DCDC1: variants seen among roughly 807,000 people sequenced by gnomAD.
The protein encoded by DCDC1 is doublecortin domain containing 1, also known as doublecortin domain-containing protein 1.
Under a neutral mutation model 178.3 loss-of-function variants are expected in DCDC1, and 200 were observed. The observed-to-expected ratio is 1.12, with a 90% CI of 1.00 to 1.26. The LOEUF is 1.26. DCDC1 is among the 50% of genes most tolerant of loss of function. DCDC1 has a pLI of 0.00. For missense variants in DCDC1, 1,983 were observed against 1,749.2 expected (o/e 1.13, Z -2.38); for synonymous variants, 690 against 604.8 (o/e 1.14, Z -2.07).
At chr11:31,154,344 C>T (rs917944365) in intron 9 of DCDC1, among the ~76,000 whole-genome samples, 2 of 152,198 alleles carry the variant, frequency 1.3e-5, no homozygotes, top group Non-Finnish European at 2.9e-5. Flanking sequence ...CACATACACT[C>T]AGACTCTGCT....
intron 20 of DCDC1, among the ~76,000 whole-genome samples, chr11:31,046,811 C>A (rs1441986607): frequency 6.6e-6 from 1 of 152,000 alleles, no homozygotes; most frequent in East Asian, 1.9e-4. Flanking sequence ...CATATAAAAA[C>A]ATCCATTCTC....
At position 31,076,746 on chromosome 11, in the gene DCDC1, G is replaced by C. The variant is rs533099984; in HGVS notation, c.2298+1119C>G. 4.6e-5 allele frequency among the ~76,000 whole-genome samples: 7 copies of C among 152,148 alleles called. No individual in the cohort carries two copies. The South Asian group carries it at 1.5e-3, about 32-fold the overall frequency. ...TTTTCAGATCCTCTTATTGGTGTCC[G>C]TGTCTAGGAAAATGGGTGATATACT... On this transcript the variant is annotated intron_variant, in intron 18 of 38. Coordinates refer to ENST00000684477, the MANE Select transcript of DCDC1 (RefSeq NM_001387274.1).
chr11:31,221,418 G>C (rs182663502), intron 9 of DCDC1, among the ~76,000 whole-genome samples: 2 of 152,176 alleles, frequency 1.3e-5, no homozygotes, highest in Non-Finnish European at 2.9e-5. Context: ...CAAAAACCTA[G>C]CAATGAAAAT....
At chr11:31,133,918 G>C (rs925276984) in intron 10 of DCDC1, among the ~76,000 whole-genome samples, 1 of 152,128 alleles carries the variant, frequency 6.6e-6, no homozygotes, top group Non-Finnish European at 1.5e-5. Context: ...GGCCAGGCTG[G>C]TCTCGAACCC....
chr11:30,920,679 G>T, intron 25 of DCDC1, 97 bp downstream of exon 25: 1 of 1,424,494 alleles, frequency 7.0e-7, no homozygotes, highest in Non-Finnish European at 9.4e-7. Context: ...CACAAACTTG[G>T]CATGAGCTCC....
chr11:31,110,198 A>G, intron 12 of DCDC1, 62 bp downstream of exon 12: 1 of 661,538 alleles, frequency 1.5e-6, no homozygotes, highest in Non-Finnish European at 2.8e-6. Context: ...GTAATTGTCT[A>G]AATTAGTTGC....
At position 30,922,354 on chromosome 11, in the gene DCDC1, C is replaced by G. The variant is rs1946306524; in HGVS notation, c.3133+149G>C. ...TGTGAACTAAAATACTCAACCCTGTCAAACACATAATTTAGTTTAAAGAGT... is the reference window on the plus strand; with the variant it reads ...TGTGAACTAAAATACTCAACCCTGTGAAACACATAATTTAGTTTAAAGAGT... On this transcript the variant is annotated intron_variant, in intron 24 of 38. Transcript: ENST00000684477. 3 of 888,682 alleles carry G rather than the reference C, an allele frequency of 3.4e-6. No individual in the cohort carries two copies. In the South Asian group the frequency reaches 8.5e-5, roughly 25 times the overall value. 55.0% of individuals were successfully genotyped at this position (888,682 alleles called of 1,614,324 possible). A position where few individuals can be genotyped will look rare whatever the true frequency, so the allele number is the denominator to read the frequency against.
At chr11:31,019,496 G>C (rs1012779622) in intron 20 of DCDC1, among the ~76,000 whole-genome samples, 2 of 152,104 alleles carry the variant, frequency 1.3e-5, no homozygotes, top group Admixed American at 1.3e-4. Flanking sequence ...GTGGGGTGGG[G>C]AGGTGGTGCA....
intron 20 of DCDC1, among the ~76,000 whole-genome samples, chr11:30,979,694 A>C (rs1033579343): frequency 8.5e-5 from 13 of 152,166 alleles, no homozygotes; most frequent in Non-Finnish European, 1.2e-4. Flanking sequence ...ACAGCCATAC[A>C]AACCACATGG....
intron 20 of DCDC1, among the ~76,000 whole-genome samples, chr11:31,025,436 T>C (rs1953159228): frequency 6.6e-6 from 1 of 151,800 alleles, no homozygotes; most frequent in Non-Finnish European, 1.5e-5. Flanking sequence ...TTACTATTAA[T>C]ATAAAAACAC....
At chr11:31,073,374 A>G (rs1308740901) in intron 18 of DCDC1, among the ~76,000 whole-genome samples, 1 of 150,694 alleles carries the variant, frequency 6.6e-6, no homozygotes, top group Non-Finnish European at 1.5e-5. Context: ...ATATGAAGGC[A>G]CCTAAATTTG....
intron 34 of DCDC1, among the ~76,000 whole-genome samples, chr11:30,895,625 C>CT (rs1290805656): frequency 1.3e-5 from 2 of 152,118 alleles, no homozygotes; most frequent in Admixed American, 6.5e-5. Context: ...GCAATAATGA[C>CT]TTTTCAGGGA....
chr11:31,131,831 A>G (rs539908268), intron 10 of DCDC1, among the ~76,000 whole-genome samples: 12 of 152,232 alleles, frequency 7.9e-5, no homozygotes, highest in Non-Finnish European at 1.5e-4. Context: ...CTTGTGCTAT[A>G]GCAAGTCACA....
intron 6 of DCDC1, 52 bp from the exon 7 acceptor site, chr11:31,290,904 T>C (rs1310359761): frequency 6.6e-7 from 1 of 1,521,690 alleles, no homozygotes; most frequent in African/African-American, 1.4e-5. Context: ...AAATTAAAAA[T>C]GGACACATCA....
chr11:30,902,003 A>C (rs1392380994), intron 32 of DCDC1, among the ~76,000 whole-genome samples: 1 of 152,164 alleles, frequency 6.6e-6, no homozygotes, highest in Non-Finnish European at 1.5e-5. Flanking sequence ...ATGAGGACCA[A>C]ATGAATATAT....
At chr11:31,279,587 T>A (rs1383872616) in intron 7 of DCDC1, among the ~76,000 whole-genome samples, 1 of 152,122 alleles carries the variant, frequency 6.6e-6, no homozygotes, top group African/African-American at 2.4e-5. Context: ...GTTCATGTCC[T>A]TTGCAGGGAC....
At chr11:31,251,243 C>A (rs147157483) in intron 8 of DCDC1, among the ~76,000 whole-genome samples, 1 of 152,312 alleles carries the variant, frequency 6.6e-6, no homozygotes, top group Non-Finnish European at 1.5e-5. Flanking sequence ...ACACAGGGTG[C>A]TATGAATGTA....
intron 1 of DCDC1, among the ~76,000 whole-genome samples, chr11:31,344,164 G>C (rs1469645352): frequency 2.6e-5 from 4 of 152,046 alleles, no homozygotes; most frequent in Admixed American, 1.3e-4. Context: ...AATTAAATGA[G>C]AACTAATCGT....
At chr11:31,367,712 A>G (rs1404943501) in intron 1 of DCDC1, among the ~76,000 whole-genome samples, 1 of 152,234 alleles carries the variant, frequency 6.6e-6, no homozygotes, top group Non-Finnish European at 1.5e-5. Context: ...AAAAGAATGT[A>G]AAGTATCGCC....
Sources: gnomAD v4.1 joint callset for allele counts (sites outside exome capture counted in the v4.1 genomes callset) on GRCh38, gnomAD v4.1.1 for gene constraint, MANE v1.5 for transcripts, NCBI Gene and HGNC (gene_info 2026-07-23, HGNC 2026-07-21) for gene names.